ODAD2: variants seen among roughly 807,000 people sequenced by gnomAD.
The protein encoded by ODAD2 is outer dynein arm docking complex subunit 2, also known as outer dynein arm-docking complex subunit 2.
Under a neutral mutation model 106.8 loss-of-function variants are expected in ODAD2, and 89 were observed. That is an observed-to-expected ratio of 0.83 (90% CI 0.70 to 0.99). ODAD2 has a LOEUF of 0.99. Ranked by LOEUF, ODAD2 falls within the 50% of genes least tolerant of loss-of-function variation. The pLI is 0.00. For synonymous variants in ODAD2, 404 were observed against 436.2 expected, an observed-to-expected ratio of 0.93 and a Z score of 0.92; for missense variants, 1,168 against 1,238.5, an observed-to-expected ratio of 0.94 and a Z score of 0.85.
intron 17 of ODAD2, among the ~76,000 whole-genome samples, chr10:27,882,221 G>GAAATAAAT (rs982760383): frequency 2.0e-5 from 3 of 150,964 alleles, no homozygotes; most frequent in African/African-American, 7.3e-5. Flanking sequence ...AAGAAAGAAA[G>GAAATAAAT]AAAGAAAGAA....
intron 17 of ODAD2, among the ~76,000 whole-genome samples, chr10:27,894,965 T>C (rs1293849268): frequency 6.7e-6 from 1 of 149,772 alleles, no homozygotes. Context: ...TAATACTATA[T>C]AGCCAAAGAA....
In ODAD2 at chr10:27,860,844, A is replaced by T. The variant is rs759396635; in HGVS notation, c.2802T>A (p.Asn934Lys). Residue 934 changes from asparagine (N) to lysine (K), a missense_variant and splice_region_variant, in exon 19 of 20, where the codon AAT (asparagine) becomes AAA (lysine). Asn to Lys is a moderately conservative substitution (Grantham distance 94). Coordinates refer to ENST00000305242, the MANE Select transcript of ODAD2 (RefSeq NM_018076.5). ...VPLLSKLANTNNNKLRHHLAE... is the reference protein window; with the variant it reads ...VPLLSKLANTKNNKLRHHLAE... ...CTAGATGATGTCTCAATTTATTGTTATTCTGTGCAAGGGAAAATGAAATGG... is the reference window on the plus strand; with the variant it reads ...CTAGATGATGTCTCAATTTATTGTTTTTCTGTGCAAGGGAAAATGAAATGG... 4 of 1,613,640 alleles carry T rather than the reference A, an allele frequency of 2.5e-6. No individual in the cohort carries two copies. The South Asian group carries it at 3.3e-5, about 13-fold the overall frequency.
rs1845663932 is a variant in ODAD2, at chr10:27,932,203, T to C, written c.2495+2807A>G. On this transcript the variant is annotated intron_variant, in intron 16 of 19. Coordinates refer to ENST00000305242, the MANE Select transcript of ODAD2 (RefSeq NM_018076.5). The stretch of plus-strand genomic sequence containing the variant: ...CTTCTGCCTCTGCCTCCCAAAGTAC[T>C]GGGATTACAGATGTAAGCCACCACG... Among the ~76,000 whole-genome samples the C allele has an allele frequency of 3.9e-5, 6 of 152,260 alleles. 1 individual carries two copies. The South Asian group carries it at 1.2e-3, about 32-fold the overall frequency.
chr10:27,974,178 C>A (rs190849940), intron 7 of ODAD2, among the ~76,000 whole-genome samples: 10 of 152,052 alleles, frequency 6.6e-5, no homozygotes, highest in African/African-American at 2.4e-4. Flanking sequence ...GGATATTAAA[C>A]CTTTGTCAGA....
At chr10:27,886,505 T>G (rs1007156285) in intron 17 of ODAD2, among the ~76,000 whole-genome samples, 6 of 151,998 alleles carry the variant, frequency 3.9e-5, no homozygotes, top group Admixed American at 2.0e-4. Flanking sequence ...ACACAAGAGA[T>G]GCAAAAGAGA....
chr10:27,889,029 A>T (rs576327407), intron 17 of ODAD2, among the ~76,000 whole-genome samples: 1 of 152,230 alleles, frequency 6.6e-6, no homozygotes, highest in Non-Finnish European at 1.5e-5. Context: ...CCAGAAACAG[A>T]CAAAGCAGCA....
At chr10:27,902,029 A>T (rs1430058942) in intron 17 of ODAD2, among the ~76,000 whole-genome samples, 3 of 152,200 alleles carry the variant, frequency 2.0e-5, no homozygotes, top group African/African-American at 7.2e-5. Flanking sequence ...CATCACACTT[A>T]TTCTAAAATT....
chr10:27,979,445 TACACACACACACAC>T (rs35697488), intron 7 of ODAD2, among the ~76,000 whole-genome samples: 1 of 141,844 alleles, frequency 7.1e-6, no homozygotes, highest in African/African-American at 2.6e-5. Flanking sequence ...CACACACCCA[TACACACACACACAC>T]ACACACACAC....
intron 17 of ODAD2, among the ~76,000 whole-genome samples, chr10:27,864,931 C>A (rs1270622103): frequency 6.6e-6 from 1 of 152,110 alleles, no homozygotes; most frequent in Non-Finnish European, 1.5e-5. Flanking sequence ...AAAAGTGAGG[C>A]TCAAAGAGGT....
intron 7 of ODAD2, among the ~76,000 whole-genome samples, chr10:27,973,084 G>A (rs1039457110): frequency 6.6e-6 from 1 of 152,028 alleles, no homozygotes; most frequent in African/African-American, 2.4e-5. Context: ...CTAGAAATTA[G>A]TAAAAGAAAG....
At position 27,862,282 on chromosome 10, in the gene ODAD2, G is replaced by A. The variant is rs1589849642; in HGVS notation, c.2799+152C>T. On this transcript the variant is annotated intron_variant, in intron 18 of 19. Coordinates refer to ENST00000305242, the MANE Select transcript of ODAD2 (RefSeq NM_018076.5). The stretch of plus-strand genomic sequence containing the variant: ...CGCTTTCACATATATTAGTCTCAGA[G>A]AAACTAAATGAGTTGACCAAATCTC... 5.4e-5 allele frequency: 26 copies of A among 479,350 alleles called. No individual in the cohort carries two copies. The East Asian group carries it at 8.6e-4, about 16-fold the overall frequency. The allele number at this position is 479,350 out of a possible 1,614,324, so 29.7% of individuals were successfully genotyped here.
intron 10 of ODAD2, among the ~76,000 whole-genome samples, chr10:27,950,089 T>TG (rs1213641541): frequency 6.6e-6 from 1 of 152,078 alleles, no homozygotes; most frequent in Non-Finnish European, 1.5e-5. Context: ...AAGCAGCCGG[T>TG]GAGACTTGGA....
intron 12 of ODAD2, among the ~76,000 whole-genome samples, chr10:27,942,053 G>A (rs1373684300): frequency 6.6e-6 from 1 of 152,114 alleles, no homozygotes; most frequent in African/African-American, 2.4e-5. Context: ...GGATAGGAAC[G>A]TGGGAAAAAT....
chr10:27,952,205 T>C (rs1275996238), intron 10 of ODAD2, among the ~76,000 whole-genome samples: 4 of 149,842 alleles, frequency 2.7e-5, no homozygotes, highest in Non-Finnish European at 5.9e-5. Flanking sequence ...GCAAAGGACA[T>C]AATACAATGG....
intron 19 of ODAD2, among the ~76,000 whole-genome samples, chr10:27,824,980 A>T (rs1249846666): frequency 1.3e-5 from 2 of 152,166 alleles, no homozygotes; most frequent in African/African-American, 4.8e-5. Flanking sequence ...CTCCACTTGG[A>T]TATAAAAATG....
chr10:27,846,978 A>G (rs962400887), intron 19 of ODAD2, among the ~76,000 whole-genome samples: 1 of 152,186 alleles, frequency 6.6e-6, no homozygotes, highest in Non-Finnish European at 1.5e-5. Flanking sequence ...ATTCACAGCC[A>G]AATTCTACCA....
At position 27,970,931 on chromosome 10, in the gene ODAD2, C is replaced by G. The variant is rs564058146; in HGVS notation, c.1142+177G>C. On this transcript the variant is annotated intron_variant, in intron 8 of 19. Coordinates refer to ENST00000305242, the MANE Select transcript of ODAD2 (RefSeq NM_018076.5). Reference sequence around the variant, plus strand: ...AAGTTGCAGTGAGCTGAGATGGCACCACTGCACTCCTGCCTGGGCAACAGA... The same window carrying G: ...AAGTTGCAGTGAGCTGAGATGGCACGACTGCACTCCTGCCTGGGCAACAGA... 2.6e-5 allele frequency among the ~76,000 whole-genome samples: 4 copies of G among 151,954 alleles called. No individual in the cohort carries two copies. The South Asian group carries it at 8.3e-4, about 32-fold the overall frequency.
intron 12 of ODAD2, among the ~76,000 whole-genome samples, chr10:27,943,495 A>G (rs978360420): frequency 2.0e-5 from 3 of 152,120 alleles, no homozygotes; most frequent in East Asian, 1.9e-4. Context: ...GCTATTAAAT[A>G]TACTTTTCAG....
chr10:27,893,318 C>T (rs183980433), intron 17 of ODAD2, among the ~76,000 whole-genome samples: 15 of 152,136 alleles, frequency 9.9e-5, no homozygotes, highest in Admixed American at 2.6e-4. Context: ...TATAAAAAAA[C>T]GGATAACATC....
Sources: allele counts gnomAD v4.1 joint callset (sites outside exome capture counted in the v4.1 genomes callset), GRCh38; gene constraint gnomAD v4.1.1; transcripts MANE v1.5; gene names NCBI Gene and HGNC (gene_info 2026-07-23, HGNC 2026-07-21).